The following LMF1 variants were observed in gnomAD, a reference collection of about 807,000 sequenced individuals.
The protein encoded by LMF1 is transmembrane protein 112.
A neutral mutation model predicts 60.6 loss-of-function variants in LMF1; 68 were observed. That is an observed-to-expected ratio of 1.12 (90% confidence interval 0.92 to 1.37). The LOEUF is 1.37. Among genes scored for constraint, LMF1 ranks in the 40% most tolerant of loss-of-function variants. The probability of loss-of-function intolerance (pLI) is 0.00; values close to 1 mark genes in which losing one functional copy is unlikely to be tolerated. For synonymous variants in LMF1, 418 were observed against 324.7 expected, an observed-to-expected ratio of 1.29 and a Z score of -3.09; for missense variants, 948 against 767.2, an observed-to-expected ratio of 1.24 and a Z score of -2.78.
intron 1 of LMF1, 124 bp from the exon 2 acceptor site, chr16:954,790 G>A: frequency 1.2e-6 from 1 of 869,560 alleles, no homozygotes; most frequent in Non-Finnish European, 1.7e-6. Context: ...CTGACGGTTT[G>A]GGGCCAAACC....
At chr16:879,140 A>C (rs1325718297) in intron 6 of LMF1, among the ~76,000 whole-genome samples, 1 of 152,146 alleles carries the variant, frequency 6.6e-6, no homozygotes, top group Non-Finnish European at 1.5e-5. Context: ...ACATGGAGGC[A>C]AATGACCCTG....
At chr16:881,868 C>T (rs936371624) in intron 5 of LMF1, among the ~76,000 whole-genome samples, 3 of 152,342 alleles carry the variant, frequency 2.0e-5, no homozygotes, top group Non-Finnish European at 2.9e-5. Flanking sequence ...CTCTCCTTCC[C>T]TCTTGCATGC....
At chr16:873,642 G>A (rs1197249608) in intron 6 of LMF1, 3 of 140,968 alleles carry the variant, frequency 2.1e-5, no homozygotes, top group Non-Finnish European at 4.7e-5. Flanking sequence ...CTCCGCCGAG[G>A]ACACCCCTGC....
chr16:889,070 G>T (rs1292193786), intron 5 of LMF1, among the ~76,000 whole-genome samples: 1 of 152,206 alleles, frequency 6.6e-6, no homozygotes, highest in Non-Finnish European at 1.5e-5. Flanking sequence ...GGCCTGCGGG[G>T]TCTGCACTCA....
intron 5 of LMF1, among the ~76,000 whole-genome samples, chr16:883,079 C>A (rs2070211006): frequency 6.8e-6 from 1 of 147,412 alleles, no homozygotes; most frequent in African/African-American, 2.5e-5. Context: ...CCCAGCGGAG[C>A]CCATTGCAGG....
intron 2 of LMF1, among the ~76,000 whole-genome samples, chr16:948,259 G>C (rs544375727): frequency 6.6e-6 from 1 of 151,618 alleles, no homozygotes; most frequent in African/African-American, 2.4e-5. Flanking sequence ...GACAGAGTCA[G>C]CCAACGACAG....
At chr16:976,515 C>G (rs1179871559) in intron 1 of LMF1, 1 of 453,978 alleles carries the variant, frequency 2.2e-6, no homozygotes, top group African/African-American at 2.0e-5. Flanking sequence ...CTGGGAGGTC[C>G]TTGGTGCTCA....
rs554136913 is a variant in LMF1, at chr16:910,783, A to T, written c.663+148T>A. On this transcript the variant is annotated intron_variant, in intron 4 of 10. Transcript: ENST00000262301. ...TTCAAACACAGGCCCCTGAAGGGGC[A>T]GAAGAGTGCGCAGCTGGCCAGGCCA... 25 of 911,204 alleles carry T rather than the reference A, an allele frequency of 2.7e-5. No individual in the cohort carries two copies. In the African/African-American group the frequency reaches 4.2e-4, roughly 15 times the overall value. 56.4% of individuals were successfully genotyped at this position (911,204 alleles called of 1,614,324 possible).
At chr16:937,380 G>A (rs911538298) in intron 2 of LMF1, among the ~76,000 whole-genome samples, 7 of 152,342 alleles carry the variant, frequency 4.6e-5, no homozygotes, top group African/African-American at 1.7e-4. Flanking sequence ...CGTAGATTTT[G>A]CTTTTGGATG....
chr16:979,447 C>T (rs2073275387), intron 1 of LMF1: 1 of 357,746 alleles, frequency 2.8e-6, no homozygotes, highest in Non-Finnish European at 5.5e-6. Flanking sequence ...CAGCACCTCC[C>T]CTGGTGATCA....
At chr16:879,354 C>T (rs1567171921) in intron 6 of LMF1, among the ~76,000 whole-genome samples, 1 of 152,156 alleles carries the variant, frequency 6.6e-6, no homozygotes, top group Non-Finnish European at 1.5e-5. Flanking sequence ...GGAGCCAGTC[C>T]TTGGAGGAAG....
chr16:914,061 C>T (rs567492692), intron 3 of LMF1, among the ~76,000 whole-genome samples: 6 of 152,284 alleles, frequency 3.9e-5, no homozygotes, highest in East Asian at 3.9e-4. Flanking sequence ...TGATGGGCCG[C>T]GAGGCCTGGG....
At position 890,793 on chromosome 16, in the gene LMF1, C is replaced by G. The variant is rs534895698; in HGVS notation, c.729+2214G>C. On this transcript the variant is annotated intron_variant, in intron 5 of 10. Coordinates refer to ENST00000262301, the MANE Select transcript of LMF1 (RefSeq NM_022773.4). ...CAAGGAGGTCCCAGATAAAGCCACG[C>G]TCCAAGCTCCAGGGAGAGTGGGTTT... 2.0e-4 allele frequency among the ~76,000 whole-genome samples: 30 copies of G among 152,350 alleles called. No homozygotes were observed. In the South Asian group the frequency reaches 6.0e-3, roughly 31 times the overall value.
At chr16:931,365 C>G (rs537623606) in intron 3 of LMF1, among the ~76,000 whole-genome samples, 3 of 152,258 alleles carry the variant, frequency 2.0e-5, no homozygotes, top group Admixed American at 6.5e-5. Flanking sequence ...CTTTGCGGGC[C>G]GCAGGGTCCC....
chr16:889,447 T>C (rs2070413103), intron 5 of LMF1, among the ~76,000 whole-genome samples: 3 of 151,918 alleles, frequency 2.0e-5, no homozygotes, highest in Admixed American at 6.5e-5. Flanking sequence ...GAGAGAAGTC[T>C]GCACACTCAG....
upstream of LMF1, among the ~76,000 whole-genome samples, chr16:975,207 G>C (rs1006586523): frequency 6.6e-6 from 1 of 152,192 alleles, no homozygotes; most frequent in Non-Finnish European, 1.5e-5. Context: ...AGGAGATGCG[G>C]CTCCATGTGA....
chr16:908,951 G>C (rs1409486545), intron 4 of LMF1, among the ~76,000 whole-genome samples: 2 of 152,160 alleles, frequency 1.3e-5, no homozygotes, highest in Non-Finnish European at 2.9e-5. Context: ...TCCCTGCCTG[G>C]GACAACCCTC....
At chr16:960,329 A>C (rs1338799018) in intron 1 of LMF1, among the ~76,000 whole-genome samples, 1 of 148,388 alleles carries the variant, frequency 6.7e-6, no homozygotes, top group Non-Finnish European at 1.5e-5. Flanking sequence ...ACCCAGACAC[A>C]GACTCACGGT....
chr16:956,817 C>A (rs2072715137), intron 1 of LMF1, among the ~76,000 whole-genome samples: 1 of 141,452 alleles, frequency 7.1e-6, no homozygotes, highest in Non-Finnish European at 1.5e-5. Flanking sequence ...GCACTCCAGC[C>A]TGGACGACAA....
Sources: allele counts gnomAD v4.1 joint callset (sites outside exome capture counted in the v4.1 genomes callset), GRCh38; gene constraint gnomAD v4.1.1; transcripts MANE v1.5; gene names NCBI Gene and HGNC (gene_info 2026-07-23, HGNC 2026-07-21).